Variants in KCNH8 observed in about 807,000 individuals in gnomAD.
KCNH8 encodes the protein potassium voltage-gated channel subfamily H member 8.
A neutral mutation model predicts 103.6 loss-of-function variants in KCNH8; 70 were observed. That is an observed-to-expected ratio of 0.68 (90% confidence interval 0.56 to 0.82). The LOEUF is 0.82. Among genes scored for constraint, KCNH8 ranks in the 40% least tolerant of loss-of-function variants. KCNH8 has a pLI of 0.00. For missense variants in KCNH8, 1,217 were observed against 1,329.9 expected (o/e 0.92, Z 1.32); for synonymous variants, 498 against 489.4 (o/e 1.02, Z -0.23).
chr3:19,505,539 C>G (rs1038042139), intron 11 of KCNH8, among the ~76,000 whole-genome samples: 1 of 152,100 alleles, frequency 6.6e-6, no homozygotes, highest in African/African-American at 2.4e-5. Context: ...TGCTGTTAAC[C>G]TCATGGGGTT....
intron 3 of KCNH8, among the ~76,000 whole-genome samples, chr3:19,323,563 G>A (rs746237044): frequency 5.5e-4 from 84 of 152,220 alleles, no homozygotes; most frequent in African/African-American, 1.9e-3. Flanking sequence ...TGATCTTTTC[G>A]GGTGTTAAAG....
In KCNH8 at chr3:19,510,405, T is replaced by A; in HGVS notation, c.2079+4T>A. 2 of 1,553,712 alleles carry A rather than the reference T, an allele frequency of 1.3e-6. No homozygotes were observed. Among genetic ancestry groups the A allele is most frequent in the East Asian group, 2.2e-5 (1 of 44,584 alleles). On this transcript the variant is annotated splice_donor_region_variant and intron_variant, in intron 12 of 15. Transcript: ENST00000328405. ...AAACAAATCTATGGTCTCACAGGTA[T>A]GGCTTTTGCTACACAGCAAAATATT... is the stretch of plus-strand genomic sequence containing the variant.
intron 11 of KCNH8, among the ~76,000 whole-genome samples, chr3:19,463,872 A>G (rs1195074883): frequency 6.6e-6 from 1 of 152,256 alleles, no homozygotes; most frequent in Admixed American, 6.5e-5. Context: ...TCAATAAAAT[A>G]TGGTGCATAA....
intron 4 of KCNH8, among the ~76,000 whole-genome samples, chr3:19,345,815 T>A (rs567846629): frequency 1.1e-3 from 174 of 152,216 alleles, no homozygotes; most frequent in African/African-American, 3.3e-3. Flanking sequence ...GAATTCTCAG[T>A]ATCTTTTTAA....
At chr3:19,470,607 G>T (rs1421735203) in intron 11 of KCNH8, among the ~76,000 whole-genome samples, 2 of 152,176 alleles carry the variant, frequency 1.3e-5, no homozygotes, top group Non-Finnish European at 1.5e-5. Flanking sequence ...GGGGCTTCAA[G>T]GATGAAGAGA....
At chr3:19,451,735 C>T (rs1216080688) in intron 10 of KCNH8, among the ~76,000 whole-genome samples, 3 of 152,108 alleles carry the variant, frequency 2.0e-5, no homozygotes, top group Admixed American at 6.6e-5. Flanking sequence ...TATATACTGC[C>T]TTCTGGTGAA....
At chr3:19,417,459 C>T (rs1442200) in intron 7 of KCNH8, among the ~76,000 whole-genome samples, 218 of 151,478 alleles carry the variant, frequency 1.4e-3, no homozygotes, top group African/African-American at 4.9e-3. Context: ...TATTCTTGCT[C>T]GGAATAAGTA....
chr3:19,239,510 A>T (rs573458462), intron 1 of KCNH8, among the ~76,000 whole-genome samples: 3 of 152,360 alleles, frequency 2.0e-5, no homozygotes, highest in South Asian at 4.1e-4. Context: ...CATAATGGCA[A>T]GTGAAAATAT....
chr3:19,492,869 G>C (rs2068355971), intron 11 of KCNH8, among the ~76,000 whole-genome samples: 1 of 139,958 alleles, frequency 7.1e-6, no homozygotes, highest in Non-Finnish European at 1.6e-5. Flanking sequence ...GTGTGTGTGT[G>C]TGTGTGTGTG....
At chr3:19,429,702 A>AT (rs1271348067) in intron 7 of KCNH8, among the ~76,000 whole-genome samples, 2 of 152,010 alleles carry the variant, frequency 1.3e-5, no homozygotes, top group Admixed American at 1.3e-4. Context: ...CCATTAGTTG[A>AT]TTTTTCTGAT....
In KCNH8 at chr3:19,482,226, C is replaced by T. The variant is rs574767123; in HGVS notation, c.2040+25244C>T. Among the ~76,000 whole-genome samples the T allele has an allele frequency of 2.6e-5, 4 of 152,266 alleles. No homozygotes were observed. In the East Asian group the frequency reaches 7.7e-4, roughly 29 times the overall value. On this transcript the variant is annotated intron_variant, in intron 11 of 15. Transcript: ENST00000328405. ...TGTCTATAATCTATAGATAACGTAA[C>T]CCATTAGGTCAGGGGTCAGTCTTTA...
At chr3:19,500,124 G>T (rs559184131) in intron 11 of KCNH8, among the ~76,000 whole-genome samples, 9 of 152,262 alleles carry the variant, frequency 5.9e-5, no homozygotes, top group Non-Finnish European at 8.8e-5. Flanking sequence ...ACAAAAAAAG[G>T]CAGGGGTTGC....
chr3:19,182,591 C>T (rs530698153), intron 1 of KCNH8, among the ~76,000 whole-genome samples: 3 of 152,260 alleles, frequency 2.0e-5, no homozygotes, highest in South Asian at 2.1e-4. Context: ...TTTTTTCCTG[C>T]TCAGAGCCCT....
At position 19,533,596 on chromosome 3, in the gene KCNH8, G is replaced by A. The variant is rs527585599; in HGVS notation, c.2821G>A (p.Gly941Arg). The change falls in exon 16 of 16, where the codon GGG becomes AGG. Residue 941 changes from glycine to arginine, a missense_variant. By Grantham distance (125) the Gly-to-Arg change is moderately radical. This residue lies in a region of KCNH8 where 558 missense variants were observed against 495.8 expected (regional missense o/e 1.13). Transcript: ENST00000328405. ...GCCTTGCCTACACTTGCAAACAGGC[G>A]GGGCTGCTTATACCCAAGCACAACT... ...HQPCLHLQTG[G>R]AAYTQAQLCS... 118 of 1,614,148 alleles carry A rather than the reference G, an allele frequency of 7.3e-5. 2 individuals are homozygous for A. Among genetic ancestry groups the A allele is most frequent in the South Asian group, 5.9e-4 (54 of 91,084 alleles).
At chr3:19,464,882 A>G (rs919414029) in intron 11 of KCNH8, among the ~76,000 whole-genome samples, 6 of 152,216 alleles carry the variant, frequency 3.9e-5, no homozygotes, top group Non-Finnish European at 7.4e-5. Context: ...TCTATTGCTC[A>G]TAGTAAAATA....
At chr3:19,277,965 G>A (rs919496269) in intron 2 of KCNH8, among the ~76,000 whole-genome samples, 4 of 151,944 alleles carry the variant, frequency 2.6e-5, no homozygotes, top group African/African-American at 9.7e-5. Flanking sequence ...TGAATTTGAG[G>A]CTGTGGGACT....
intron 11 of KCNH8, among the ~76,000 whole-genome samples, chr3:19,492,333 T>C (rs1056916199): frequency 6.6e-6 from 1 of 152,192 alleles, no homozygotes; most frequent in Middle Eastern, 3.2e-3. Flanking sequence ...CTTTCATCCA[T>C]CTTGAGTTAA....
chr3:19,193,125 C>A (rs1028398999), intron 1 of KCNH8, among the ~76,000 whole-genome samples: 9 of 151,424 alleles, frequency 5.9e-5, no homozygotes, highest in Non-Finnish European at 1.0e-4. Context: ...ATTTTCATTT[C>A]TTATTATACT....
intron 7 of KCNH8, among the ~76,000 whole-genome samples, chr3:19,407,162 AT>A (rs1166698835): frequency 6.6e-6 from 1 of 152,152 alleles, no homozygotes; most frequent in Non-Finnish European, 1.5e-5. Context: ...CAAACATAGT[AT>A]TTTTTAATTT....
Sources: allele counts gnomAD v4.1 joint callset (sites outside exome capture counted in the v4.1 genomes callset), GRCh38; gene constraint gnomAD v4.1.1; regional missense constraint gnomAD v4.1.1; transcripts MANE v1.5; gene names NCBI Gene and HGNC (gene_info 2026-07-23, HGNC 2026-07-21).